The following LOXHD1 variants were observed in gnomAD, a reference collection of about 807,000 sequenced individuals.
LOXHD1 encodes lipoxygenase homology PLAT domains 1.
A neutral mutation model predicts 248.2 loss-of-function variants in LOXHD1; 205 were observed. The observed-to-expected ratio is 0.83, with a 90% CI of 0.74 to 0.93. The LOEUF (loss-of-function observed/expected upper bound fraction) is 0.93. LOXHD1 is among the 40% of genes least tolerant of loss of function. The pLI is 0.00. For synonymous variants in LOXHD1, 1,113 were observed against 1,162.8 expected (o/e 0.96, Z 0.87); for missense variants, 2,930 against 2,971.6 (o/e 0.99, Z 0.33).
chr18:46,630,431 C>T (rs1239969548), intron 4 of LOXHD1, among the ~76,000 whole-genome samples: 4 of 152,208 alleles, frequency 2.6e-5, no homozygotes, highest in Non-Finnish European at 5.9e-5. Flanking sequence ...TCATATTGGT[C>T]GTGAGAAGGC....
intron 37 of LOXHD1, among the ~76,000 whole-genome samples, chr18:46,490,842 C>G (rs2143653951): frequency 6.6e-6 from 1 of 152,302 alleles, no homozygotes; most frequent in Admixed American, 6.5e-5. Context: ...ACATTAGGGC[C>G]AATTCCACCT....
At chr18:46,596,325 G>C (rs2038256367) in intron 8 of LOXHD1, among the ~76,000 whole-genome samples, 1 of 152,078 alleles carries the variant, frequency 6.6e-6, no homozygotes, top group African/African-American at 2.4e-5. Context: ...GCTGCCAAGG[G>C]GTTACAGAGA....
At chr18:46,651,511 T>C (rs1416632993) in intron 1 of LOXHD1, among the ~76,000 whole-genome samples, 2 of 151,330 alleles carry the variant, frequency 1.3e-5, no homozygotes, top group Non-Finnish European at 1.5e-5. Flanking sequence ...CCACACCACA[T>C]GAGAGAAGAC....
chr18:46,523,348 C>A (rs1239811791), intron 31 of LOXHD1, among the ~76,000 whole-genome samples: 1 of 152,132 alleles, frequency 6.6e-6, no homozygotes, highest in Non-Finnish European at 1.5e-5. Flanking sequence ...ATGGCTGGAG[C>A]TCCAGCATTC....
At chr18:46,500,770 GAACAT>G (rs1164035873) in intron 37 of LOXHD1, among the ~76,000 whole-genome samples, 2 of 152,134 alleles carry the variant, frequency 1.3e-5, no homozygotes, top group East Asian at 3.9e-4. Flanking sequence ...TTAATTTTGG[GAACAT>G]ATCAAGATTT....
At chr18:46,535,421 C>A (rs1363416885) in intron 26 of LOXHD1, among the ~76,000 whole-genome samples, 3 of 151,990 alleles carry the variant, frequency 2.0e-5, no homozygotes. Context: ...TACATGTGTG[C>A]CAGGTGAGCC....
chr18:46,639,218 G>C (rs1471881640), intron 4 of LOXHD1, among the ~76,000 whole-genome samples: 2 of 152,164 alleles, frequency 1.3e-5, no homozygotes, highest in African/African-American at 4.8e-5. Flanking sequence ...ACTATGCCTT[G>C]GCTGTAACTC....
Position 46,493,840 on chromosome 18 carries a change from A to G in LOXHD1, c.5879-4698T>C, listed in dbSNP as rs2033655920. On this transcript the variant is annotated intron_variant, in intron 37 of 40. Transcript: ENST00000642948. ...GTGGCTTTCCACATCTGATGGGACA[A>G]AAGGGCCCAACTCTGTGTTTACATA... Among the ~76,000 whole-genome samples the G allele has an allele frequency of 3.3e-5, 5 of 152,210 alleles. No homozygotes were observed. In the South Asian group the frequency reaches 1.0e-3, roughly 32 times the overall value.
intron 8 of LOXHD1, among the ~76,000 whole-genome samples, chr18:46,599,746 T>C (rs2038307613): frequency 6.6e-6 from 1 of 151,970 alleles, no homozygotes; most frequent in South Asian, 2.1e-4. Context: ...AATAGGAAAC[T>C]CAGTAAAAGA....
chr18:46,601,134 G>A (rs2038330319), intron 8 of LOXHD1, 83 bp downstream of exon 8: 1 of 1,468,596 alleles, frequency 6.8e-7, no homozygotes, highest in Admixed American at 2.2e-5. Context: ...CAGAGAAGTA[G>A]CATTCAGGTT....
intron 38 of LOXHD1, among the ~76,000 whole-genome samples, chr18:46,485,638 T>C (rs1598817552): frequency 1.3e-5 from 2 of 152,236 alleles, no homozygotes; most frequent in Middle Eastern, 6.8e-3. Flanking sequence ...TCTGCACAGG[T>C]GTGCACTCCT....
chr18:46,533,091 G>A, intron 28 of LOXHD1, 71 bp downstream of exon 28: 1 of 1,494,662 alleles, frequency 6.7e-7, no homozygotes, highest in East Asian at 2.5e-5. Flanking sequence ...GCCTGGCACA[G>A]GGCATGTGCT....
At chr18:46,519,245 T>G (rs1257937865) in intron 33 of LOXHD1, among the ~76,000 whole-genome samples, 1 of 152,244 alleles carries the variant, frequency 6.6e-6, no homozygotes, top group Non-Finnish European at 1.5e-5. Flanking sequence ...CCATCTTGAC[T>G]GTCTCCTTTG....
At position 46,566,402 on chromosome 18, in the gene LOXHD1, G is replaced by T; in HGVS notation, c.2292C>A (p.Ser764Arg). The change falls in exon 17 of 41, where the codon AGC becomes AGA. Residue 764 changes from serine (S) to arginine (R), a missense_variant. Coordinates refer to ENST00000642948, the MANE Select transcript of LOXHD1 (RefSeq NM_001384474.1). ...IGHDSTGMHA[S>R]WFLGSVQIRV... ...GGATCTGAACGCTGCCCAGGAACCA[G>T]CTGGCATGCATGCCAGTGCTGTCAT... 1 of 1,551,400 alleles carries T rather than the reference G, an allele frequency of 6.4e-7. No individual in the cohort carries two copies. The highest frequency in any genetic ancestry group is 2.0e-5 in the Admixed American group (1 of 51,014).
chr18:46,597,307 AAGAAAC>A (rs1325224369), intron 8 of LOXHD1, among the ~76,000 whole-genome samples: 1 of 152,160 alleles, frequency 6.6e-6, no homozygotes, highest in Non-Finnish European at 1.5e-5. Flanking sequence ...AAGAAGAAAA[AAGAAAC>A]AGTAAAAGCA....
chr18:46,604,304 C>T (rs2038381822), intron 6 of LOXHD1, 75 bp from the exon 7 acceptor site: 3 of 1,526,386 alleles, frequency 2.0e-6, no homozygotes. Flanking sequence ...ATCCAATCTT[C>T]CAATCACTTG....
intron 37 of LOXHD1, among the ~76,000 whole-genome samples, chr18:46,501,492 A>G (rs549861966): frequency 6.6e-6 from 1 of 152,358 alleles, no homozygotes; most frequent in Non-Finnish European, 1.5e-5. Context: ...CGTGCCTTCC[A>G]GAGATGATAC....
intron 34 of LOXHD1, among the ~76,000 whole-genome samples, chr18:46,515,602 T>C (rs1208232168): frequency 6.6e-6 from 1 of 152,206 alleles, no homozygotes; most frequent in Non-Finnish European, 1.5e-5. Context: ...CCACCAGCAA[T>C]TAAGCCTTGT....
In LOXHD1 at chr18:46,530,378, G is replaced by A. The variant is rs989572021; in HGVS notation, c.4376-1047C>T. On this transcript the variant is annotated intron_variant, in intron 28 of 40. Coordinates refer to ENST00000642948, the MANE Select transcript of LOXHD1 (RefSeq NM_001384474.1). ...TTTACAGACTTGAAGCTTGAAGGGG[G>A]CCTCAAGGGTAGAACAGAGGGCCTT... Among the ~76,000 whole-genome samples, 75 of 152,190 alleles carry A rather than the reference G, an allele frequency of 4.9e-4. 1 individual carries two copies. The highest frequency in any genetic ancestry group is 6.2e-4 in the Non-Finnish European group (42 of 68,028).
Sources: allele counts gnomAD v4.1 joint callset (sites outside exome capture counted in the v4.1 genomes callset), GRCh38; gene constraint gnomAD v4.1.1; transcripts MANE v1.5; gene names NCBI Gene and HGNC (gene_info 2026-07-23, HGNC 2026-07-21).